FSIP1: variants seen among roughly 807,000 people sequenced by gnomAD.
The protein encoded by FSIP1 is fibrous sheath-interacting protein 1.
FSIP1 carries 65 observed loss-of-function variants against 60.9 expected under a neutral mutation model. The ratio of observed to expected loss-of-function variants is 1.07; its 90% CI spans 0.87 to 1.31. The LOEUF is 1.31. Among genes scored for constraint, FSIP1 ranks in the 40% most tolerant of loss-of-function variants. FSIP1 has a pLI of 0.00. For synonymous variants in FSIP1, 209 were observed against 221.2 expected (o/e 0.94, Z 0.49); for missense variants, 675 against 665.5 (o/e 1.01, Z -0.16).
At chr15:39,605,022 G>A (rs1890771908) in intron 11 of FSIP1, among the ~76,000 whole-genome samples, 1 of 152,084 alleles carries the variant, frequency 6.6e-6, no homozygotes, top group South Asian at 2.1e-4. Flanking sequence ...TCAAACCACT[G>A]CAACACCCTT....
chr15:39,646,104 G>A (rs1372362473), intron 10 of FSIP1, among the ~76,000 whole-genome samples: 1 of 152,218 alleles, frequency 6.6e-6, no homozygotes, highest in African/African-American at 2.4e-5. Flanking sequence ...GAAGAGGGCA[G>A]AGAGAATGGG....
intron 5 of FSIP1, among the ~76,000 whole-genome samples, chr15:39,743,366 C>T (rs1036045075): frequency 2.6e-5 from 4 of 152,004 alleles, no homozygotes; most frequent in African/African-American, 7.3e-5. Context: ...TGCCATCAAT[C>T]GGCTTTGAGT....
At chr15:39,631,361 CT>C (rs1261074686) in intron 10 of FSIP1, among the ~76,000 whole-genome samples, 2 of 152,172 alleles carry the variant, frequency 1.3e-5, no homozygotes, top group Admixed American at 6.5e-5. Context: ...ATTAATGAAC[CT>C]TTGTTTATGA....
chr15:39,703,602 A>G (rs1158937865), intron 10 of FSIP1, among the ~76,000 whole-genome samples: 2 of 152,194 alleles, frequency 1.3e-5, no homozygotes, highest in Admixed American at 6.5e-5. Flanking sequence ...TTTTCATCTC[A>G]AACATTAGGA....
At chr15:39,761,499 T>C (rs1473753154) in intron 5 of FSIP1, among the ~76,000 whole-genome samples, 2 of 152,176 alleles carry the variant, frequency 1.3e-5, no homozygotes, top group Non-Finnish European at 2.9e-5. Flanking sequence ...ATGTTCCCAT[T>C]TATATGTGGA....
chr15:39,678,212 A>G (rs1894021170), intron 10 of FSIP1, among the ~76,000 whole-genome samples: 1 of 152,054 alleles, frequency 6.6e-6, no homozygotes, highest in Non-Finnish European at 1.5e-5. Flanking sequence ...TAGCTGATAT[A>G]CTTTAAAATT....
At chr15:39,619,383 A>T (rs1891361686) in intron 10 of FSIP1, among the ~76,000 whole-genome samples, 1 of 152,196 alleles carries the variant, frequency 6.6e-6, no homozygotes, top group African/African-American at 2.4e-5. Flanking sequence ...GAGTATGAGG[A>T]TAATAAGAAA....
At chr15:39,658,245 G>C (rs975446645) in intron 10 of FSIP1, among the ~76,000 whole-genome samples, 4 of 141,244 alleles carry the variant, frequency 2.8e-5, no homozygotes, top group African/African-American at 1.0e-4. Context: ...AACCTAAGCA[G>C]ACATGATTTT....
intron 9 of FSIP1, 128 bp from the exon 10 acceptor site, chr15:39,713,709 A>G: frequency 1.2e-6 from 1 of 821,810 alleles, no homozygotes; most frequent in South Asian, 1.9e-5. Flanking sequence ...CTTCAAAACA[A>G]TATGTATAAC....
At chr15:39,722,219 C>G (rs1896010158) in intron 9 of FSIP1, among the ~76,000 whole-genome samples, 1 of 151,956 alleles carries the variant, frequency 6.6e-6, no homozygotes. Context: ...AATCTAATAC[C>G]TGGTGATCTG....
intron 10 of FSIP1, among the ~76,000 whole-genome samples, chr15:39,707,885 A>G (rs755553573): frequency 3.3e-5 from 5 of 152,134 alleles, no homozygotes; most frequent in Non-Finnish European, 7.3e-5. Context: ...CAGGGAAATG[A>G]TTTAGAGCAG....
chr15:39,699,115 G>A (rs1894950099), intron 10 of FSIP1, among the ~76,000 whole-genome samples: 1 of 152,184 alleles, frequency 6.6e-6, no homozygotes, highest in South Asian at 2.1e-4. Flanking sequence ...ACATGTCAGC[G>A]GTTTTTCTTT....
intron 10 of FSIP1, among the ~76,000 whole-genome samples, chr15:39,710,945 A>G (rs934340356): frequency 6.6e-6 from 1 of 152,126 alleles, no homozygotes; most frequent in Non-Finnish European, 1.5e-5. Context: ...ATAACAACCA[A>G]CTCTTGACAT....
At chr15:39,710,918 T>C (rs1333906010) in intron 10 of FSIP1, among the ~76,000 whole-genome samples, 1 of 152,260 alleles carries the variant, frequency 6.6e-6, no homozygotes, top group Non-Finnish European at 1.5e-5. Context: ...ACTCATGTAT[T>C]ATTCTTTTCC....
intron 5 of FSIP1, among the ~76,000 whole-genome samples, chr15:39,760,119 T>C (rs890223895): frequency 2.0e-5 from 3 of 152,134 alleles, no homozygotes; most frequent in Admixed American, 2.0e-4. Flanking sequence ...AATAGAAGGG[T>C]ATTAGTTAAA....
At chr15:39,643,644 T>C (rs12915867) in intron 10 of FSIP1, among the ~76,000 whole-genome samples, 5,392 of 152,340 alleles carry the variant, frequency 0.035, 124 homozygotes, top group Middle Eastern at 0.082. Flanking sequence ...TTCTGGAGCT[T>C]CTAGATATAT....
intron 10 of FSIP1, among the ~76,000 whole-genome samples, chr15:39,634,801 T>C (rs773347552): frequency 2.0e-5 from 3 of 152,192 alleles, no homozygotes; most frequent in Non-Finnish European, 4.4e-5. Context: ...TTTCCACTAG[T>C]ACATGTGCAT....
intron 10 of FSIP1, among the ~76,000 whole-genome samples, chr15:39,626,814 T>G (rs981285461): frequency 2.0e-5 from 3 of 152,124 alleles, no homozygotes; most frequent in Non-Finnish European, 2.9e-5. Flanking sequence ...TTTACAGCAG[T>G]GTGAAAATGG....
At chr15:39,651,610 A>T (rs538725448) in intron 10 of FSIP1, among the ~76,000 whole-genome samples, 3 of 152,344 alleles carry the variant, frequency 2.0e-5, no homozygotes, top group African/African-American at 7.2e-5. Flanking sequence ...AAAACACTTA[A>T]CACATCATTG....
Sources: allele counts gnomAD v4.1 joint callset (sites outside exome capture counted in the v4.1 genomes callset), GRCh38; gene constraint gnomAD v4.1.1; transcripts MANE v1.5; gene names NCBI Gene and HGNC (gene_info 2026-07-23, HGNC 2026-07-21).